Variants in ARHGAP15 observed in about 807,000 individuals in gnomAD.
ARHGAP15 encodes Rho GTPase activating protein 15, also known as rho GTPase-activating protein 15.
ARHGAP15 carries 51 observed loss-of-function variants against 63.7 expected under a neutral mutation model. The observed-to-expected ratio is 0.80, with a 90% CI of 0.64 to 1.01. ARHGAP15 has a LOEUF of 1.01. ARHGAP15 is among the 50% of genes least tolerant of loss of function. ARHGAP15 has a pLI of 0.00. For missense variants in ARHGAP15, 560 were observed against 564.6 expected, an observed-to-expected ratio of 0.99 and a Z score of 0.08; for synonymous variants, 191 against 193.8, an observed-to-expected ratio of 0.99 and a Z score of 0.12.
intron 9 of ARHGAP15, among the ~76,000 whole-genome samples, chr2:143,492,334 A>T (rs1175128459): frequency 6.6e-6 from 1 of 152,150 alleles, no homozygotes; most frequent in Non-Finnish European, 1.5e-5. Flanking sequence ...CATTGGTAAG[A>T]TGAAGAATTT....
intron 6 of ARHGAP15, among the ~76,000 whole-genome samples, chr2:143,282,493 T>G (rs1158457916): frequency 1.3e-5 from 2 of 151,994 alleles, no homozygotes; most frequent in East Asian, 3.9e-4. Context: ...GTCAGGGAAC[T>G]CCTCTTTATA....
chr2:143,138,301 C>T (rs1213615072), intron 1 of ARHGAP15, among the ~76,000 whole-genome samples: 1 of 152,008 alleles, frequency 6.6e-6, no homozygotes, highest in Non-Finnish European at 1.5e-5. Context: ...TGCAAATTTA[C>T]AAAGCTTCTC....
chr2:143,526,511 AT>A (rs1455540429), intron 10 of ARHGAP15, among the ~76,000 whole-genome samples: 2 of 152,162 alleles, frequency 1.3e-5, no homozygotes, highest in African/African-American at 4.8e-5. Context: ...GGGAATTTAA[AT>A]AATGCAACAC....
chr2:143,168,954 G>A (rs189842045), intron 2 of ARHGAP15, among the ~76,000 whole-genome samples: 1 of 151,972 alleles, frequency 6.6e-6, no homozygotes, highest in African/African-American at 2.4e-5. Flanking sequence ...TGTCTTTTTT[G>A]GGAGCATCTC....
At chr2:143,660,603 G>A (rs1194550281) in intron 12 of ARHGAP15, among the ~76,000 whole-genome samples, 1 of 152,188 alleles carries the variant, frequency 6.6e-6, no homozygotes, top group Non-Finnish European at 1.5e-5. Context: ...CGACAGACCT[G>A]TGTAAAACTC....
At chr2:143,763,891 T>G (rs1293910966) in intron 13 of ARHGAP15, among the ~76,000 whole-genome samples, 1 of 150,840 alleles carries the variant, frequency 6.6e-6, no homozygotes, top group East Asian at 1.9e-4. Context: ...TATATCTAAC[T>G]TTCTTTCTTA....
intron 9 of ARHGAP15, among the ~76,000 whole-genome samples, chr2:143,498,290 G>A (rs1235308986): frequency 6.6e-6 from 1 of 152,066 alleles, no homozygotes; most frequent in African/African-American, 2.4e-5. Context: ...GTAAAACTGA[G>A]TCATCAGGAA....
At chr2:143,559,975 C>G (rs553327631) in intron 11 of ARHGAP15, among the ~76,000 whole-genome samples, 31 of 152,292 alleles carry the variant, frequency 2.0e-4, no homozygotes, top group African/African-American at 7.2e-4. Context: ...CATTTTTAAA[C>G]AAGTAAGCCC....
At position 143,284,615 on chromosome 2, in the gene ARHGAP15, G is replaced by A. The variant is rs549455445; in HGVS notation, c.474+34015G>A. 1.4e-4 allele frequency among the ~76,000 whole-genome samples: 22 copies of A among 152,284 alleles called. No homozygotes were observed. In the East Asian group the frequency reaches 3.5e-3, roughly 24 times the overall value. Reference sequence around the variant, plus strand: ...CAAAAGAATGGAGCCGTTCCAGTGCGTCACAAGACTTTAGGACACTTACAT... The same window carrying A: ...CAAAAGAATGGAGCCGTTCCAGTGCATCACAAGACTTTAGGACACTTACAT... On this transcript the variant is annotated intron_variant, in intron 6 of 13. Coordinates refer to ENST00000295095, the MANE Select transcript of ARHGAP15 (RefSeq NM_018460.4).
intron 5 of ARHGAP15, among the ~76,000 whole-genome samples, chr2:143,246,093 T>C (rs993903941): frequency 6.6e-6 from 1 of 152,118 alleles, no homozygotes; most frequent in Non-Finnish European, 1.5e-5. Flanking sequence ...ATGGATTCCA[T>C]TGTGATCAAG....
intron 8 of ARHGAP15, among the ~76,000 whole-genome samples, chr2:143,464,753 T>G (rs1227807180): frequency 1.3e-5 from 2 of 152,126 alleles, no homozygotes; most frequent in Admixed American, 1.3e-4. Context: ...GGCTGTACCC[T>G]CATAATTTTT....
chr2:143,408,565 A>G (rs1688312690), intron 6 of ARHGAP15, among the ~76,000 whole-genome samples: 2 of 151,854 alleles, frequency 1.3e-5, no homozygotes, highest in African/African-American at 2.4e-5. Flanking sequence ...CATTATGCTA[A>G]TAGTTCTCAT....
chr2:143,541,192 A>G (rs999922582), intron 10 of ARHGAP15, among the ~76,000 whole-genome samples: 1 of 152,020 alleles, frequency 6.6e-6, no homozygotes, highest in African/African-American at 2.4e-5. Context: ...TTGTGTATTC[A>G]TCATGTAGTT....
chr2:143,693,107 C>A (rs1040987980), intron 12 of ARHGAP15, among the ~76,000 whole-genome samples: 1 of 152,112 alleles, frequency 6.6e-6, no homozygotes, highest in African/African-American at 2.4e-5. Flanking sequence ...CATATCCCCC[C>A]AGCTGCTGTC....
intron 1 of ARHGAP15, among the ~76,000 whole-genome samples, chr2:143,148,670 A>T (rs971364119): frequency 6.6e-6 from 1 of 152,058 alleles, no homozygotes; most frequent in Admixed American, 6.6e-5. Flanking sequence ...TTATTATCAC[A>T]TTTCCTATAT....
intron 6 of ARHGAP15, among the ~76,000 whole-genome samples, chr2:143,423,503 G>A (rs1053168935): frequency 1.3e-5 from 2 of 152,112 alleles, no homozygotes; most frequent in African/African-American, 4.8e-5. Flanking sequence ...TGTGGTCAGG[G>A]AGCTTAATGT....
intron 10 of ARHGAP15, among the ~76,000 whole-genome samples, chr2:143,534,898 C>T (rs1000673179): frequency 1.3e-5 from 2 of 151,362 alleles, no homozygotes; most frequent in African/African-American, 2.4e-5. Context: ...AAATAAAAAA[C>T]AAAACAAAAA....
chr2:143,470,924 A>G (rs560343291), intron 8 of ARHGAP15, among the ~76,000 whole-genome samples: 32 of 147,480 alleles, frequency 2.2e-4, no homozygotes, highest in East Asian at 4.3e-4. Context: ...GTATGTGTAT[A>G]TGTGTATATA....
At chr2:143,474,015 T>G (rs28684621) in intron 8 of ARHGAP15, among the ~76,000 whole-genome samples, 40,407 of 152,032 alleles carry the variant, frequency 0.27, 6,503 homozygotes, top group Non-Finnish European at 0.37. Flanking sequence ...GGGGTTGGAA[T>G]TTGGCGAAAT....
Sources: gnomAD v4.1 joint callset for allele counts (sites outside exome capture counted in the v4.1 genomes callset) on GRCh38, gnomAD v4.1.1 for gene constraint, MANE v1.5 for transcripts, NCBI Gene and HGNC (gene_info 2026-07-23, HGNC 2026-07-21) for gene names.